The following CSNK1D variants were observed in gnomAD, a reference collection of about 807,000 sequenced individuals.
CSNK1D encodes the protein casein kinase I isoform delta.
In CSNK1D, 16 loss-of-function variants were observed where a neutral mutation model predicts 46.6. The observed-to-expected ratio is 0.34, with a 90% CI of 0.23 to 0.52. The LOEUF is 0.52. CSNK1D is among the 20% of genes least tolerant of loss of function. The pLI is 0.95. For missense variants in CSNK1D, 398 were observed against 578.4 expected (o/e 0.69, Z 3.20); for synonymous variants, 276 against 228.2 (o/e 1.21, Z -1.89).
chr17:82,254,115 A>G (rs1318665182), intron 3 of CSNK1D: 1 of 206,682 alleles, frequency 4.8e-6, no homozygotes, highest in Non-Finnish European at 8.7e-6. Flanking sequence ...GACGCCAGTG[A>G]GCTGAGCCGT....
In CSNK1D at chr17:82,249,959, G is replaced by A. The variant is rs777549285; in HGVS notation, c.886-357C>T. ...AAAGAGGAGAGGGACAGGAACCATC[G>A]GAGGCCAAAGACAGGCCCCAAATGG... On this transcript the variant is annotated intron_variant, in intron 6 of 8. Coordinates refer to ENST00000314028, the MANE Select transcript of CSNK1D (RefSeq NM_001893.6). The surrounding 1 kb of genome is among the most constrained non-coding windows in gnomAD (Gnocchi z 6.7). 44 of 1,248,208 alleles carry A rather than the reference G, an allele frequency of 3.5e-5. No individual in the cohort carries two copies. Among genetic ancestry groups the A allele is most frequent in the Non-Finnish European group, 4.2e-5 (41 of 978,948 alleles). 77.3% of individuals were successfully genotyped at this position (1,248,208 alleles called of 1,614,324 possible).
intron 3 of CSNK1D, chr17:82,253,483 CAG>C (rs1390198454): frequency 9.5e-6 from 5 of 525,392 alleles, no homozygotes; most frequent in Non-Finnish European, 1.8e-5. Flanking sequence ...TCCCACAAAA[CAG>C]AGAGGTGAGG....
chr17:82,251,424 C>G lies in CSNK1D; in HGVS notation c.840G>C (p.Gln280His). ...CGAACACGTAGTCATAGGAGAAGCC[C>G]TGGCGATGGAACAGATTCCGGAAAA... ...RQLFRNLFHRQGFSYDYVFDW... is the reference protein window; with the variant it reads ...RQLFRNLFHRHGFSYDYVFDW... Residue 280 changes from glutamine to histidine, a missense_variant, in exon 6 of 9, where the codon CAG (glutamine) becomes CAC (histidine). Transcript: ENST00000314028. This position sits in a 1 kb window ranked among gnomAD's most constrained non-coding sequence, Gnocchi z 4.5. 1.2e-6 allele frequency: 2 copies of G among 1,614,164 alleles called. No homozygotes were observed. Among genetic ancestry groups the G allele is most frequent in the Non-Finnish European group, 1.7e-6 (2 of 1,180,036 alleles).
intron 8 of CSNK1D, 58 bp from the exon 9 acceptor site, chr17:82,244,889 A>C: frequency 1.2e-6 from 2 of 1,610,462 alleles, no homozygotes; most frequent in Non-Finnish European, 1.7e-6. Context: ...CCGGCCAGGC[A>C]GATACCACAG....
chr17:82,240,542 G>A (rs73999825), downstream of CSNK1D, among the ~76,000 whole-genome samples: 558 of 152,234 alleles, frequency 3.7e-3, 3 homozygotes, highest in African/African-American at 0.012. Flanking sequence ...GGTGAGGGGT[G>A]CTCGCTCCTG....
At chr17:82,247,694 T>C in intron 8 of CSNK1D, 1 of 985,406 alleles carries the variant, frequency 1.0e-6, no homozygotes, top group South Asian at 4.7e-5. Flanking sequence ...TTCTGTGCTG[T>C]GTCTGGAGGT....
intron 2 of CSNK1D, among the ~76,000 whole-genome samples, chr17:82,256,033 T>C (rs1351203278): frequency 6.6e-6 from 1 of 152,200 alleles, no homozygotes; most frequent in South Asian, 2.1e-4. Context: ...TACTCCGATG[T>C]TGGTAGAAGT....
downstream of CSNK1D, chr17:82,239,217 C>T: frequency 2.8e-6 from 1 of 361,850 alleles, no homozygotes; most frequent in Non-Finnish European, 4.9e-6. Flanking sequence ...CACCAGGGGC[C>T]CCGCCTGCTG....
At position 82,273,439 on chromosome 17, in the gene CSNK1D, G is replaced by A. The variant is rs1162057032; in HGVS notation, c.-58C>T. 1.3e-6 allele frequency: 2 copies of A among 1,594,100 alleles called. No individual in the cohort carries two copies. The highest frequency in any genetic ancestry group is 4.5e-5 in the East Asian group (2 of 43,972). ...CGGCCGCTTCCTGGGTCTGAACTCT[G>A]GGAGGCGGCGCCGCTGCTGCCGCTA... On this transcript the variant is annotated 5_prime_UTR_variant, in exon 1 of 9. Coordinates refer to ENST00000314028, the MANE Select transcript of CSNK1D (RefSeq NM_001893.6). This position sits in a 1 kb window ranked among gnomAD's most constrained non-coding sequence, Gnocchi z 5.1.
At chr17:82,245,617 G>A (rs1303294700) in intron 8 of CSNK1D, 2 of 343,188 alleles carry the variant, frequency 5.8e-6, no homozygotes, top group Non-Finnish European at 1.1e-5. Context: ...GCCGACCGCA[G>A]ACAAGGCAAC....
chr17:82,253,297 G>T, intron 3 of CSNK1D, 53 bp from the exon 4 acceptor site: 1 of 1,390,778 alleles, frequency 7.2e-7, no homozygotes, highest in Non-Finnish European at 1.0e-6. Context: ...CTCAGGGAGG[G>T]ACCGCTCAAC....
At chr17:82,272,483 G>C (rs1163828698) in intron 1 of CSNK1D, among the ~76,000 whole-genome samples, 1 of 152,184 alleles carries the variant, frequency 6.6e-6, no homozygotes, top group African/African-American at 2.4e-5. Context: ...TCTACCTTGA[G>C]ACTGTTACAG....
intron 1 of CSNK1D, among the ~76,000 whole-genome samples, chr17:82,270,187 ATACTGCCCCCT>A (rs1163391555): frequency 6.6e-6 from 1 of 152,218 alleles, no homozygotes; most frequent in Admixed American, 6.5e-5. Flanking sequence ...TAGCCCCAAA[ATACTGCCCCCT>A]TTGAAGGGGC....
Position 82,242,814 on chromosome 17 carries a change from G to A in CSNK1D, c.*1967C>T, listed in dbSNP as rs540869237. ...TACGTCTCCTGCACGGGGCGACGGG[G>A]ACTAGATACTGGGCAAGGACTGTCA... On this transcript the variant is annotated 3_prime_UTR_variant, in exon 9 of 9. Transcript: ENST00000314028. The A allele has an allele frequency of 2.0e-6, 2 of 985,482 alleles. No individual in the cohort carries two copies. The highest frequency in any genetic ancestry group is 4.7e-5 in the South Asian group (1 of 21,292). 61.0% of individuals were successfully genotyped at this position (985,482 alleles called of 1,614,324 possible).
In CSNK1D at chr17:82,251,037, A is replaced by G; in HGVS notation, c.885+342T>C. 1 of 364,938 alleles carries G rather than the reference A, an allele frequency of 2.7e-6. No individual in the cohort carries two copies. The highest frequency in any genetic ancestry group is 5.3e-6 in the Non-Finnish European group (1 of 190,208). 22.6% of individuals were successfully genotyped at this position (364,938 alleles called of 1,614,324 possible). On this transcript the variant is annotated intron_variant, in intron 6 of 8. Coordinates refer to ENST00000314028, the MANE Select transcript of CSNK1D (RefSeq NM_001893.6). This position sits in a 1 kb window ranked among gnomAD's most constrained non-coding sequence, Gnocchi z 4.5. The stretch of plus-strand genomic sequence containing the variant: ...CGTGGGCACCACGACCATGTGGCAC[A>G]GCGAATGGGAATGCGCACCCCCAGC...
At chr17:82,247,194 G>A (rs2050872637) in intron 8 of CSNK1D, 9 of 985,418 alleles carry the variant, frequency 9.1e-6, no homozygotes, top group Non-Finnish European at 1.1e-5. Flanking sequence ...TAGAGCCCAC[G>A]TTGTATTTCC....
At chr17:82,245,901 A>AGCTCCCATGGGTGGGGCATGGTG (rs2050838824) in intron 8 of CSNK1D, 17 of 1,458,134 alleles carry the variant, frequency 1.2e-5, no homozygotes, top group Non-Finnish European at 7.5e-6. Context: ...CCCACCTGCA[A>AGCTCCCATGGGTGGGGCATGGTG]GCTCCCATGG....
intron 2 of CSNK1D, among the ~76,000 whole-genome samples, chr17:82,258,881 C>T (rs1048580571): frequency 1.3e-5 from 2 of 152,236 alleles, no homozygotes; most frequent in African/African-American, 2.4e-5. Context: ...GCCAGAACCA[C>T]ACAAAGTATC....
intron 8 of CSNK1D, chr17:82,246,137 G>T: frequency 6.5e-7 from 1 of 1,548,494 alleles, no homozygotes. Flanking sequence ...GCCTCAACCA[G>T]GTCCACAGAC....
Sources: gnomAD v4.1 joint callset for allele counts (sites outside exome capture counted in the v4.1 genomes callset) on GRCh38, gnomAD v4.1.1 for gene constraint, Gnocchi (gnomAD v3.1) non-coding constraint, MANE v1.5 for transcripts, NCBI Gene and HGNC (gene_info 2026-07-23, HGNC 2026-07-21) for gene names.